ELK4: variants seen among roughly 807,000 people sequenced by gnomAD.
ELK4 encodes ETS domain-containing protein Elk-4.
In ELK4, 16 loss-of-function variants were observed where a neutral mutation model predicts 29.6. The ratio of observed to expected loss-of-function variants is 0.54; its 90% CI spans 0.37 to 0.82. The LOEUF (loss-of-function observed/expected upper bound fraction) is 0.82, where lower values mean the gene tolerates loss of function less well. Among genes scored for constraint, ELK4 ranks in the 40% least tolerant of loss-of-function variants. ELK4 has a pLI of 0.00. For missense variants in ELK4, 465 were observed against 507.1 expected (o/e 0.92, Z 0.80); for synonymous variants, 213 against 191.1 (o/e 1.11, Z -0.95).
At chr1:205,621,330 G>A (rs892503615) in intron 2 of ELK4, among the ~76,000 whole-genome samples, 1 of 151,726 alleles carries the variant, frequency 6.6e-6, no homozygotes, top group South Asian at 2.1e-4. Context: ...CTACTATTAT[G>A]GAGAAGTTAA....
chr1:205,617,677 G>T (rs1048544943), intron 4 of ELK4, among the ~76,000 whole-genome samples: 1 of 152,010 alleles, frequency 6.6e-6, no homozygotes, highest in African/African-American at 2.4e-5. Context: ...TGAGGCGGGC[G>T]GATCACCTGA....
chr1:205,620,488 T>C lies in ELK4; in HGVS notation c.558A>G (p.Pro186=). Residue 186 remains proline (P), a synonymous_variant, in exon 3 of 5, where the codon CCA becomes CCG. Transcript: ENST00000357992. ...AEKKSPQEPT[P]SVIKFVTTPS... ...GTGTCGTGACAAATTTGATGACAGA[T>C]GGTGTGGGCTCCTGAGGAGATTTTT... The C allele has an allele frequency of 8.1e-6, 13 of 1,614,146 alleles. No homozygotes were observed. Among genetic ancestry groups the C allele is most frequent in the Non-Finnish European group, 1.1e-5 (13 of 1,180,036 alleles).
chr1:205,624,837 A>C (rs1670422276), intron 1 of ELK4, among the ~76,000 whole-genome samples: 1 of 152,168 alleles, frequency 6.6e-6, no homozygotes, highest in South Asian at 2.1e-4. Flanking sequence ...ATATTCCCCC[A>C]GGGGTCAAAG....
chr1:205,613,802 T>C lies in ELK4; in HGVS notation c.*2744A>G, dbSNP rs918906788. 9 of 206,554 alleles carry C rather than the reference T, an allele frequency of 4.4e-5. No homozygotes were observed. Among genetic ancestry groups the C allele is most frequent in the African/African-American group, 1.8e-4 (8 of 43,812 alleles). 12.8% of individuals were successfully genotyped at this position (206,554 alleles called of 1,614,324 possible). A position where few individuals can be genotyped will look rare whatever the true frequency, so the allele number is the denominator to read the frequency against. On this transcript the variant is annotated 3_prime_UTR_variant, in exon 5 of 5. Transcript: ENST00000357992. The stretch of plus-strand genomic sequence containing the variant: ...CCCCATTCAATCTGCTCCCCTTCCG[T>C]AACTTAGGCTACTGCTGCCCAACAG...
In ELK4 at chr1:205,620,581, CAA is replaced by C. The variant is rs751738393; in HGVS notation, c.463_464del (p.Leu155GlufsTer14). 1.2e-6 allele frequency: 2 copies of C among 1,613,906 alleles called. No homozygotes were observed. Among genetic ancestry groups the C allele is most frequent in the Non-Finnish European group, 1.7e-6 (2 of 1,180,032 alleles). ...TGAAAAGCTTTACATTGGAGGAGTTCAAAGAGTTGAGAGTAAATGAAGAATAT... is the reference window on the plus strand; with the variant it reads ...TGAAAAGCTTTACATTGGAGGAGTTCAGAGTTGAGAGTAAATGAAGAATAT... ...GLYSSFTLNS[L>X]NSSNVKLFKL... is the part of the protein sequence containing the mutation. On this transcript the variant is annotated frameshift_variant, in exon 3 of 5. Coordinates refer to ENST00000357992, the MANE Select transcript of ELK4 (RefSeq NM_001973.4). LOFTEE classifies it high-confidence loss of function.
chr1:205,616,851 A>G (rs1443114247), intron 4 of ELK4, among the ~76,000 whole-genome samples: 1 of 152,210 alleles, frequency 6.6e-6, no homozygotes, highest in Non-Finnish European at 1.5e-5. Context: ...AAATATTAAC[A>G]TTCTCCAACT....
chr1:205,623,672 C>T lies in ELK4; in HGVS notation c.207+4G>A, dbSNP rs761916022. 6.2e-7 allele frequency: 1 copy of T among 1,613,896 alleles called. No individual in the cohort carries two copies. The highest frequency in any genetic ancestry group is 1.1e-5 in the South Asian group (1 of 91,062). ...GTATAGTATAAGATCAGGATGTGTA[C>T]TACCTTTACATAATAGTATCTGAGG... On this transcript the variant is annotated splice_donor_region_variant and intron_variant, in intron 2 of 4. Coordinates refer to ENST00000357992, the MANE Select transcript of ELK4 (RefSeq NM_001973.4).
intron 2 of ELK4, among the ~76,000 whole-genome samples, chr1:205,621,047 T>C (rs1670335477): frequency 6.6e-6 from 1 of 151,596 alleles, no homozygotes; most frequent in Non-Finnish European, 1.5e-5. Context: ...CAGAAAAAAT[T>C]TGCAGGGCAT....
rs1180288586 is a variant in ELK4, at chr1:205,614,241, G to T, written c.*2305C>A. On this transcript the variant is annotated 3_prime_UTR_variant, in exon 5 of 5. Transcript: ENST00000357992. ...CTTGGTTCCAAGGTACCTCTGTGCTGAGACAGTTAATTATTAAAAATACTG... is the reference window on the plus strand; with the variant it reads ...CTTGGTTCCAAGGTACCTCTGTGCTTAGACAGTTAATTATTAAAAATACTG... 2 of 220,340 alleles carry T rather than the reference G, an allele frequency of 9.1e-6. No homozygotes were observed. Among genetic ancestry groups the T allele is most frequent in the African/African-American group, 4.5e-5 (2 of 44,660 alleles). 13.6% of individuals were successfully genotyped at this position (220,340 alleles called of 1,614,324 possible).
intron 2 of ELK4, 61 bp downstream of exon 2, chr1:205,623,615 A>T: frequency 6.3e-7 from 1 of 1,589,544 alleles, no homozygotes; most frequent in Non-Finnish European, 8.6e-7. Context: ...GTGCCCAGCC[A>T]AGAAGGAATC....
chr1:205,613,859 T>C lies in ELK4; in HGVS notation c.*2687A>G, dbSNP rs1339740156. 1 of 215,416 alleles carries C rather than the reference T, an allele frequency of 4.6e-6. No individual in the cohort carries two copies. The highest frequency in any genetic ancestry group is 9.4e-6 in the Non-Finnish European group (1 of 106,774). The allele number at this position is 215,416 out of a possible 1,614,324, so 13.3% of individuals were successfully genotyped here. On this transcript the variant is annotated 3_prime_UTR_variant, in exon 5 of 5. Transcript: ENST00000357992. The stretch of plus-strand genomic sequence containing the variant: ...TCCTGGCAAAGTGACTAGGGATGGA[T>C]ACGAGCTACAGCTACCAATTACAAG...
At position 205,616,307 on chromosome 1, in the gene ELK4, GA is replaced by G; in HGVS notation, c.*238del. 2.6e-6 allele frequency: 1 copy of G among 388,020 alleles called. No homozygotes were observed. The highest frequency in any genetic ancestry group is 4.7e-6 in the Non-Finnish European group (1 of 212,408). 24.0% of individuals were successfully genotyped at this position (388,020 alleles called of 1,614,324 possible). A position where few individuals can be genotyped will look rare whatever the true frequency, so the allele number is the denominator to read the frequency against. ...AGAAAAGGAAGGAAGGAAAGAAAAA[GA>G]AAAGGAAAAGACAGAGGGAGGTGGA... On this transcript the variant is annotated 3_prime_UTR_variant, in exon 5 of 5. Transcript: ENST00000357992.
At position 205,608,463 on chromosome 1, in the gene ELK4, C is replaced by T. The variant is rs1026282143; in HGVS notation, c.*8083G>A. On this transcript the variant is annotated 3_prime_UTR_variant, in exon 5 of 5. Coordinates refer to ENST00000357992, the MANE Select transcript of ELK4 (RefSeq NM_001973.4). The stretch of plus-strand genomic sequence containing the variant: ...TTTGTTTCCCAACAGGTAAGTCAGA[C>T]TGCTTAGCTAGGAGATGTGGCAGCT... 2 of 196,960 alleles carry T rather than the reference C, an allele frequency of 1.0e-5. No individual in the cohort carries two copies. Among genetic ancestry groups the T allele is most frequent in the African/African-American group, 4.6e-5 (2 of 43,278 alleles). The allele number at this position is 196,960 out of a possible 1,614,324, so 12.2% of individuals were successfully genotyped here.
Position 205,620,390 on chromosome 1 carries a change from T to A in ELK4, c.656A>T (p.Glu219Val). The part of the protein sequence containing the change: ...SIGPSISPSS[E>V]ETIQALETLV... ...TGTCTCCAAAGCTTGGATAGTTTCT[T>A]CTGAAGATGGAGAAATACTTGGGCC... The change falls in exon 3 of 5, where the codon GAA becomes GTA. Residue 219 changes from glutamate to valine, a missense_variant. This residue lies in a region of ELK4 where 385 missense variants were observed against 387.5 expected (regional missense o/e 0.99). Coordinates refer to ENST00000357992, the MANE Select transcript of ELK4 (RefSeq NM_001973.4). 1 of 1,614,170 alleles carries A rather than the reference T, an allele frequency of 6.2e-7. No individual in the cohort carries two copies. The highest frequency in any genetic ancestry group is 8.5e-7 in the Non-Finnish European group (1 of 1,180,036).
chr1:205,618,490 C>T, intron 4 of ELK4, among the ~76,000 whole-genome samples: 1 of 152,162 alleles, frequency 6.6e-6, no homozygotes, highest in Non-Finnish European at 1.5e-5. Flanking sequence ...TGTTTGCCAG[C>T]TAGAAAATTA....
Position 205,613,910 on chromosome 1 carries a change from G to C in ELK4, c.*2636C>G. 4.6e-6 allele frequency: 1 copy of C among 219,532 alleles called. No homozygotes were observed. Among genetic ancestry groups the C allele is most frequent in the South Asian group, 1.8e-4 (1 of 5,418 alleles). The allele number at this position is 219,532 out of a possible 1,614,324, so 13.6% of individuals were successfully genotyped here. On this transcript the variant is annotated 3_prime_UTR_variant, in exon 5 of 5. Transcript: ENST00000357992. ...TCTCTCCAGTGAAAACTGATCTGAA[G>C]TGGTACATCACCTTTCACACTAAGA...
intron 1 of ELK4, among the ~76,000 whole-genome samples, chr1:205,624,911 T>A (rs993982859): frequency 1.3e-5 from 2 of 152,180 alleles, no homozygotes; most frequent in African/African-American, 4.8e-5. Context: ...CTCATAAAGG[T>A]ATTTTCCTCA....
chr1:205,631,598 G>C, intron 1 of ELK4, 34 bp downstream of exon 1: 1 of 197,856 alleles, frequency 5.1e-6, no homozygotes, highest in Non-Finnish European at 1.0e-5. Context: ...GTGGCCGCGA[G>C]ATCCCGAGGG....
At chr1:205,624,154 A>T (rs1326579546) in intron 1 of ELK4, among the ~76,000 whole-genome samples, 1 of 152,204 alleles carries the variant, frequency 6.6e-6, no homozygotes, top group Non-Finnish European at 1.5e-5. Flanking sequence ...ACTCTTAAGG[A>T]TGCCACGCTG....
Sources: gnomAD v4.1 joint callset for allele counts (sites outside exome capture counted in the v4.1 genomes callset) on GRCh38, gnomAD v4.1.1 for gene constraint, gnomAD v4.1.1 regional missense constraint, MANE v1.5 for transcripts, NCBI Gene and HGNC (gene_info 2026-07-23, HGNC 2026-07-21) for gene names.